PRKCA: variants seen among roughly 807,000 people sequenced by gnomAD.
The protein encoded by PRKCA is protein kinase C alpha.
PRKCA carries 27 observed loss-of-function variants against 87.0 expected under a neutral mutation model. The ratio of observed to expected loss-of-function variants is 0.31; its 90% CI spans 0.23 to 0.43. The LOEUF is 0.43. PRKCA is among the 20% of genes least tolerant of loss of function. The pLI is 1.00. For missense variants in PRKCA, 518 were observed against 852.3 expected, an observed-to-expected ratio of 0.61 and a Z score of 4.88; for synonymous variants, 329 against 311.1, an observed-to-expected ratio of 1.06 and a Z score of -0.61.
intron 13 of PRKCA, among the ~76,000 whole-genome samples, chr17:66,769,355 C>CAAAAA (rs534779519): frequency 7.8e-6 from 1 of 127,994 alleles, no homozygotes. Context: ...GACACTGTCT[C>CAAAAA]AAAAAAAAAA....
chr17:66,710,982 G>A (rs754387812), intron 8 of PRKCA, among the ~76,000 whole-genome samples: 11 of 152,116 alleles, frequency 7.2e-5, no homozygotes, highest in Non-Finnish European at 1.6e-4. Flanking sequence ...GGCGGAGGTT[G>A]CAGTGAGCCG....
Position 66,687,246 on chromosome 17 carries a change from A to G in PRKCA, c.665A>G (p.Gln222Arg). 5 of 1,614,134 alleles carry G rather than the reference A, an allele frequency of 3.1e-6. No homozygotes were observed. Among genetic ancestry groups the G allele is most frequent in the Non-Finnish European group, 4.2e-6 (5 of 1,179,998 alleles). The change falls in exon 6 of 17, where the codon CAG (glutamine) becomes CGG (arginine). Residue 222 changes from glutamine (Q) to arginine (R), a missense_variant. Coordinates refer to ENST00000413366, the MANE Select transcript of PRKCA (RefSeq NM_002737.3). ...ACCATCCGCTCCACACTAAATCCGC[A>G]GTGGAATGAGTCCTTTACATTGTAA... is the stretch of plus-strand genomic sequence containing the variant. Reference protein sequence around the residue: ...TKTIRSTLNPQWNESFTFKLK... With the variant: ...TKTIRSTLNPRWNESFTFKLK...
chr17:66,775,668 C>G, intron 14 of PRKCA: 1 of 985,442 alleles, frequency 1.0e-6, no homozygotes, highest in Middle Eastern at 5.2e-4. Flanking sequence ...TGCGACAGAG[C>G]CACCCCCAAA....
At chr17:66,458,997 G>C (rs753680337) in intron 2 of PRKCA, among the ~76,000 whole-genome samples, 2 of 151,992 alleles carry the variant, frequency 1.3e-5, no homozygotes, top group Non-Finnish European at 2.9e-5. Context: ...AAAGTAACTT[G>C]ATTAAGTTTA....
intron 5 of PRKCA, among the ~76,000 whole-genome samples, chr17:66,675,214 G>A (rs1266205794): frequency 6.6e-6 from 1 of 152,182 alleles, no homozygotes; most frequent in Admixed American, 6.5e-5. Flanking sequence ...CCCATTTGCC[G>A]ACAGCCCCAC....
intron 3 of PRKCA, among the ~76,000 whole-genome samples, chr17:66,582,241 G>T (rs535957272): frequency 6.6e-6 from 1 of 152,146 alleles, no homozygotes; most frequent in African/African-American, 2.4e-5. Flanking sequence ...ATTAACTACC[G>T]CAACTCAAGG....
chr17:66,410,137 T>C lies in PRKCA; in HGVS notation c.206-86064T>C, dbSNP rs756410031. Among the ~76,000 whole-genome samples, 40 of 152,324 alleles carry C rather than the reference T, an allele frequency of 2.6e-4. 1 individual carries two copies. The highest frequency in any genetic ancestry group is 3.4e-3 in the Middle Eastern group (1 of 294). ...CTCCCCAGTCCCTTTCACTAAACTT[T>C]ATAGCAAATATATTAATGGATTTCT... On this transcript the variant is annotated intron_variant, in intron 2 of 16. Transcript: ENST00000413366.
chr17:66,541,084 G>A (rs967554253), intron 3 of PRKCA, among the ~76,000 whole-genome samples: 1 of 152,192 alleles, frequency 6.6e-6, no homozygotes, highest in African/African-American at 2.4e-5. Flanking sequence ...CAGCTACAGG[G>A]GAGGGCAAGA....
At chr17:66,649,503 G>A (rs892152415) in intron 5 of PRKCA, among the ~76,000 whole-genome samples, 2 of 152,342 alleles carry the variant, frequency 1.3e-5, no homozygotes, top group African/African-American at 4.8e-5. Flanking sequence ...AATGAGCAAA[G>A]GAGCTGAGAG....
chr17:66,621,314 C>T (rs1461151239), intron 3 of PRKCA, among the ~76,000 whole-genome samples: 1 of 152,170 alleles, frequency 6.6e-6, no homozygotes, highest in African/African-American at 2.4e-5. Context: ...TAAATATTTC[C>T]ACTAGAAGCT....
At chr17:66,774,892 G>C in intron 14 of PRKCA, 3 of 985,404 alleles carry the variant, frequency 3.0e-6, no homozygotes, top group Non-Finnish European at 3.6e-6. Context: ...TCCAGTTAAG[G>C]AAGGTAAATT....
chr17:66,479,875 G>A (rs566975944), intron 2 of PRKCA, among the ~76,000 whole-genome samples: 43 of 152,108 alleles, frequency 2.8e-4, no homozygotes, highest in African/African-American at 9.9e-4. Context: ...GTGAGAAGAG[G>A]GAGAGGATCA....
At chr17:66,591,223 G>T (rs540641142) in intron 3 of PRKCA, among the ~76,000 whole-genome samples, 3 of 152,210 alleles carry the variant, frequency 2.0e-5, no homozygotes, top group Non-Finnish European at 2.9e-5. Flanking sequence ...CATGATCAGG[G>T]CTCGCTGTAG....
At chr17:66,802,522 C>G (rs772406400) in intron 16 of PRKCA, among the ~76,000 whole-genome samples, 5 of 149,278 alleles carry the variant, frequency 3.3e-5, no homozygotes, top group Non-Finnish European at 7.4e-5. Context: ...AAGACTCCAT[C>G]TCAAAAAAAA....
At position 66,612,245 on chromosome 17, in the gene PRKCA, G is replaced by C. The variant is rs557481220; in HGVS notation, c.289-29110G>C. 2.6e-5 allele frequency among the ~76,000 whole-genome samples: 4 copies of C among 152,088 alleles called. No individual in the cohort carries two copies. In the East Asian group the frequency reaches 5.8e-4, roughly 22 times the overall value. ...AAAATACAAAAATTAGCTGGGCATG[G>C]TGGCAGGCGCCTGTAATCCCAGCTA... is the stretch of plus-strand genomic sequence containing the variant. On this transcript the variant is annotated intron_variant, in intron 3 of 16. Transcript: ENST00000413366.
At chr17:66,548,689 C>A (rs1968226540) in intron 3 of PRKCA, among the ~76,000 whole-genome samples, 1 of 152,126 alleles carries the variant, frequency 6.6e-6, no homozygotes, top group Non-Finnish European at 1.5e-5. Context: ...GCCCTAAATG[C>A]CATCTCATGG....
chr17:66,672,749 A>T (rs1449309823), intron 5 of PRKCA, among the ~76,000 whole-genome samples: 2 of 152,246 alleles, frequency 1.3e-5, no homozygotes, highest in African/African-American at 4.8e-5. Flanking sequence ...CTGATTAGCC[A>T]TAAAATGAGA....
At chr17:66,772,269 G>A (rs1974950401) in intron 13 of PRKCA, among the ~76,000 whole-genome samples, 2 of 152,156 alleles carry the variant, frequency 1.3e-5, no homozygotes, top group Admixed American at 6.5e-5. Flanking sequence ...AGAAATTAGA[G>A]ACTCCTTGTA....
intron 2 of PRKCA, among the ~76,000 whole-genome samples, chr17:66,467,911 A>G (rs886953295): frequency 1.3e-5 from 2 of 152,046 alleles, no homozygotes; most frequent in African/African-American, 4.8e-5. Context: ...ACAACAGAAA[A>G]CTTTTCATGG....
Sources: allele counts gnomAD v4.1 joint callset (sites outside exome capture counted in the v4.1 genomes callset), GRCh38; gene constraint gnomAD v4.1.1; transcripts MANE v1.5; gene names NCBI Gene and HGNC (gene_info 2026-07-23, HGNC 2026-07-21).